The following EBF2 variants were observed in gnomAD, a reference collection of about 807,000 sequenced individuals.
The protein encoded by EBF2 is EBF transcription factor 2, also known as transcription factor COE2.
Under a neutral mutation model 72.8 loss-of-function variants are expected in EBF2, and 21 were observed. The observed-to-expected ratio is 0.29, with a 90% CI of 0.20 to 0.42. EBF2 has a LOEUF of 0.42. Among genes scored for constraint, EBF2 ranks in the 10% least tolerant of loss-of-function variants. The pLI is 1.00. For missense variants in EBF2, 637 were observed against 731.2 expected (o/e 0.87, Z 1.49); for synonymous variants, 299 against 274.2 (o/e 1.09, Z -0.89).
chr8:26,002,617 G>A (rs771661073), intron 6 of EBF2, among the ~76,000 whole-genome samples: 16 of 152,162 alleles, frequency 1.1e-4, no homozygotes, highest in Non-Finnish European at 2.2e-4. Flanking sequence ...GCAGAGGCTC[G>A]GGCTTGGAGT....
At chr8:25,866,184 G>C (rs186544627) in intron 10 of EBF2, among the ~76,000 whole-genome samples, 1 of 151,694 alleles carries the variant, frequency 6.6e-6, no homozygotes, top group Non-Finnish European at 1.5e-5. Context: ...ATCCCATTTA[G>C]TTCTCTTAAT....
chr8:25,926,320 A>G (rs115422376), intron 6 of EBF2, among the ~76,000 whole-genome samples: 2,581 of 152,204 alleles, frequency 0.017, 70 homozygotes, highest in African/African-American at 0.059. Flanking sequence ...TTGGGAAAAG[A>G]GAGTATTTTG....
chr8:25,911,327 C>T (rs773750339), intron 6 of EBF2, among the ~76,000 whole-genome samples: 2 of 152,178 alleles, frequency 1.3e-5, no homozygotes, highest in Non-Finnish European at 2.9e-5. Context: ...ATCATAACCA[C>T]GGTGCATGCT....
Position 25,959,802 on chromosome 8 carries a change from A to C in EBF2, c.552-51247T>G, listed in dbSNP as rs141701153. ...TCTCATGCAAAACATGGCATCCAAA[A>C]TGGAAGGGCTTACAGTCAGGAATGT... On this transcript the variant is annotated intron_variant, in intron 6 of 15. Coordinates refer to ENST00000520164, the MANE Select transcript of EBF2 (RefSeq NM_022659.4). 1.3e-3 allele frequency among the ~76,000 whole-genome samples: 202 copies of C among 152,254 alleles called. No individual in the cohort carries two copies. In the Middle Eastern group the frequency reaches 0.014, roughly 10 times the overall value.
intron 14 of EBF2, among the ~76,000 whole-genome samples, chr8:25,852,729 TAAAAATGC>T (rs1485719510): frequency 6.6e-6 from 1 of 152,176 alleles, no homozygotes; most frequent in Non-Finnish European, 1.5e-5. Flanking sequence ...AACAATTTTG[TAAAAATGC>T]CAAAATGCAT....
chr8:25,889,315 A>T (rs772149047), intron 8 of EBF2, among the ~76,000 whole-genome samples: 37 of 152,324 alleles, frequency 2.4e-4, no homozygotes, highest in Non-Finnish European at 2.4e-4. Context: ...CCCAGAACAG[A>T]CCATGATTTC....
chr8:26,022,485 G>A (rs1288109914), intron 6 of EBF2, among the ~76,000 whole-genome samples: 8 of 152,210 alleles, frequency 5.3e-5, no homozygotes, highest in Middle Eastern at 3.2e-3. Context: ...AATAGCCCCA[G>A]CCCTCATCTC....
At chr8:26,011,029 C>T (rs1804973219) in intron 6 of EBF2, among the ~76,000 whole-genome samples, 1 of 139,152 alleles carries the variant, frequency 7.2e-6, no homozygotes, top group African/African-American at 2.6e-5. Flanking sequence ...CTAAGGTAGT[C>T]TTACCTACAT....
chr8:25,957,176 C>A (rs902764792), intron 6 of EBF2, among the ~76,000 whole-genome samples: 1 of 152,184 alleles, frequency 6.6e-6, no homozygotes, highest in Non-Finnish European at 1.5e-5. Context: ...CACCTCAGCT[C>A]TTTGCTAAAA....
At chr8:25,942,216 A>G (rs1803686650) in intron 6 of EBF2, among the ~76,000 whole-genome samples, 1 of 152,258 alleles carries the variant, frequency 6.6e-6, no homozygotes, top group Admixed American at 6.5e-5. Context: ...CTAGACATTT[A>G]AAATCTACCT....
At chr8:25,986,394 C>G (rs946251749) in intron 6 of EBF2, among the ~76,000 whole-genome samples, 2 of 152,166 alleles carry the variant, frequency 1.3e-5, no homozygotes, top group African/African-American at 2.4e-5. Context: ...AATCACATGA[C>G]TTTCGAATTG....
intron 6 of EBF2, among the ~76,000 whole-genome samples, chr8:25,947,762 C>T (rs1329515637): frequency 6.6e-6 from 1 of 152,242 alleles, no homozygotes; most frequent in Non-Finnish European, 1.5e-5. Context: ...TTCTTCCCTG[C>T]CCAGGTAACC....
chr8:26,039,317 G>A (rs932541326), intron 5 of EBF2, among the ~76,000 whole-genome samples: 1 of 152,100 alleles, frequency 6.6e-6, no homozygotes, highest in African/African-American at 2.4e-5. Flanking sequence ...AGATGGGAAA[G>A]GTGCAGGAAC....
intron 6 of EBF2, among the ~76,000 whole-genome samples, chr8:26,002,528 C>A (rs745415372): frequency 6.6e-5 from 10 of 150,856 alleles, no homozygotes; most frequent in Admixed American, 2.0e-4. Context: ...CACTTCTCTG[C>A]CTCCTTTTCC....
At chr8:25,853,717 G>A (rs1240071664) in intron 14 of EBF2, among the ~76,000 whole-genome samples, 1 of 151,306 alleles carries the variant, frequency 6.6e-6, no homozygotes, top group Non-Finnish European at 1.5e-5. Context: ...ATGAAAAATT[G>A]GAAAATAACT....
chr8:25,850,497 A>G (rs936148991), intron 15 of EBF2, 97 bp downstream of exon 15: 23 of 1,333,290 alleles, frequency 1.7e-5, no homozygotes, highest in Admixed American at 3.0e-5. Flanking sequence ...ATCTCTTTGC[A>G]GGTAAATGGC....
chr8:25,867,727 C>G (rs760964938), intron 10 of EBF2, among the ~76,000 whole-genome samples: 1 of 152,160 alleles, frequency 6.6e-6, no homozygotes, highest in African/African-American at 2.4e-5. Flanking sequence ...CTTTAAATAT[C>G]CAACTGTTGG....
At chr8:25,881,129 A>G in intron 10 of EBF2, among the ~76,000 whole-genome samples, 1 of 152,082 alleles carries the variant, frequency 6.6e-6, no homozygotes. Flanking sequence ...CCTGCATCCA[A>G]CCTGGCTTCC....
intron 6 of EBF2, among the ~76,000 whole-genome samples, chr8:26,010,151 A>C (rs1336309062): frequency 6.6e-6 from 1 of 152,218 alleles, no homozygotes; most frequent in Non-Finnish European, 1.5e-5. Flanking sequence ...GGGCTGGTAC[A>C]AAAGGGAAGG....
Sources: gnomAD v4.1 joint callset for allele counts (sites outside exome capture counted in the v4.1 genomes callset) on GRCh38, gnomAD v4.1.1 for gene constraint, MANE v1.5 for transcripts, NCBI Gene and HGNC (gene_info 2026-07-23, HGNC 2026-07-21) for gene names.